KIAA1217: variants seen among roughly 807,000 people sequenced by gnomAD.
KIAA1217 encodes the protein KIAA1217, also known as sickle tail protein homolog.
Under a neutral mutation model 163.9 loss-of-function variants are expected in KIAA1217, and 88 were observed. The ratio of observed to expected loss-of-function variants is 0.54; its 90% confidence interval spans 0.45 to 0.64. The LOEUF (loss-of-function observed/expected upper bound fraction) is 0.64, where lower values mean the gene tolerates loss of function less well. Among genes scored for constraint, KIAA1217 ranks in the 30% least tolerant of loss-of-function variants. The probability of loss-of-function intolerance (pLI) is 0.00; values close to 1 mark genes in which losing one functional copy is unlikely to be tolerated. For synonymous variants in KIAA1217, 903 were observed against 923.1 expected, an observed-to-expected ratio of 0.98 and a Z score of 0.39; for missense variants, 2,372 against 2,475.0, an observed-to-expected ratio of 0.96 and a Z score of 0.88.
chr10:24,433,968 G>A (rs1378972572), intron 4 of KIAA1217, among the ~76,000 whole-genome samples: 7 of 148,332 alleles, frequency 4.7e-5, no homozygotes, highest in African/African-American at 1.5e-4. Flanking sequence ...TGCTATTGAT[G>A]GGATTGAGAG....
intron 2 of KIAA1217, among the ~76,000 whole-genome samples, chr10:24,087,385 C>T (rs1306024873): frequency 6.6e-6 from 1 of 152,128 alleles, no homozygotes; most frequent in Non-Finnish European, 1.5e-5. Context: ...CTTCTGCAAC[C>T]ATATGTACGG....
chr10:23,770,318 C>T (rs1341054045), intron 1 of KIAA1217, among the ~76,000 whole-genome samples: 2 of 152,212 alleles, frequency 1.3e-5, no homozygotes, highest in Non-Finnish European at 2.9e-5. Context: ...GGTGGTTGCA[C>T]ATTGGATGAA....
intron 2 of KIAA1217, among the ~76,000 whole-genome samples, chr10:24,109,069 T>C (rs557048545): frequency 4.6e-5 from 7 of 152,268 alleles, no homozygotes; most frequent in East Asian, 3.9e-4. Flanking sequence ...TGACCTCAAG[T>C]GATCCAACGC....
chr10:23,789,954 T>C (rs1230213283), intron 1 of KIAA1217, among the ~76,000 whole-genome samples: 2 of 135,240 alleles, frequency 1.5e-5, no homozygotes, highest in African/African-American at 5.9e-5. Flanking sequence ...TATACATGTA[T>C]ATATACACAT....
At chr10:24,394,816 A>G (rs1339178586) in intron 3 of KIAA1217, among the ~76,000 whole-genome samples, 1 of 152,086 alleles carries the variant, frequency 6.6e-6, no homozygotes, top group Non-Finnish European at 1.5e-5. Context: ...ACTGGGTAAA[A>G]TATTAATAGC....
chr10:24,059,062 T>C (rs1030999967), intron 2 of KIAA1217, among the ~76,000 whole-genome samples: 6 of 152,340 alleles, frequency 3.9e-5, no homozygotes, highest in African/African-American at 1.4e-4. Context: ...TTCCTCTATT[T>C]CTAGTTTGCT....
intron 13 of KIAA1217, 53 bp from the exon 14 acceptor site, chr10:24,527,883 T>C (rs2072448247): frequency 1.4e-6 from 2 of 1,438,954 alleles, no homozygotes; most frequent in South Asian, 1.2e-5. Flanking sequence ...CCAGTGTCCG[T>C]TGTTCTCCTC....
Position 24,520,127 on chromosome 10 carries a change from T to C in KIAA1217, c.2182T>C (p.Leu728=), listed in dbSNP as rs1441867726. The change falls in exon 11 of 21, where the codon TTG becomes CTG. Residue 728 remains leucine, a synonymous_variant. Transcript: ENST00000376454. The part of the protein sequence containing the change: ...EEKIVKKLCE[L]EDFVEDLKKD... ...CTGGTGTCCTTGCTCCCGCAGCGAG[T>C]TGGAAGACTTTGTTGAAGACTTGAA... The C allele has an allele frequency of 3.1e-6, 5 of 1,613,572 alleles. No individual in the cohort carries two copies. In the South Asian group the frequency reaches 3.3e-5, roughly 11 times the overall value.
At chr10:23,713,907 T>C (rs1257058852) in intron 1 of KIAA1217, among the ~76,000 whole-genome samples, 1 of 152,146 alleles carries the variant, frequency 6.6e-6, no homozygotes, top group African/African-American at 2.4e-5. Context: ...GCTCAGAACT[T>C]TCTTCTGAAT....
At chr10:23,782,454 C>T (rs1835300573) in intron 1 of KIAA1217, among the ~76,000 whole-genome samples, 1 of 152,132 alleles carries the variant, frequency 6.6e-6, no homozygotes, top group Non-Finnish European at 1.5e-5. Context: ...TATTTAGAGA[C>T]AGAGTCTAGT....
chr10:24,301,473 T>G (rs1465694687), intron 2 of KIAA1217, among the ~76,000 whole-genome samples: 1 of 152,152 alleles, frequency 6.6e-6, no homozygotes, highest in Non-Finnish European at 1.5e-5. Context: ...AGCCTTCATG[T>G]CACCACAGTG....
At chr10:24,253,305 G>A (rs1365441221) in intron 2 of KIAA1217, among the ~76,000 whole-genome samples, 2 of 152,162 alleles carry the variant, frequency 1.3e-5, no homozygotes, top group African/African-American at 4.8e-5. Context: ...ATGGGGTAGT[G>A]GGGACTCCTC....
At chr10:23,762,876 T>C (rs1298789002) in intron 1 of KIAA1217, among the ~76,000 whole-genome samples, 3 of 152,202 alleles carry the variant, frequency 2.0e-5, no homozygotes, top group Admixed American at 2.0e-4. Context: ...CCCCATCATC[T>C]CAGCCCAAAA....
At chr10:24,046,033 C>T (rs955111630) in intron 2 of KIAA1217, among the ~76,000 whole-genome samples, 5 of 152,100 alleles carry the variant, frequency 3.3e-5, no homozygotes, top group African/African-American at 1.2e-4. Flanking sequence ...TAGAATGTGG[C>T]ATTTCTTCCT....
chr10:23,741,829 T>C (rs1482795584), intron 1 of KIAA1217, among the ~76,000 whole-genome samples: 1 of 152,144 alleles, frequency 6.6e-6, no homozygotes, highest in East Asian at 1.9e-4. Context: ...AGCTCTGTTG[T>C]GGATAGGTAG....
At chr10:24,289,796 G>A (rs1417217850) in intron 2 of KIAA1217, among the ~76,000 whole-genome samples, 1 of 152,090 alleles carries the variant, frequency 6.6e-6, no homozygotes, top group Non-Finnish European at 1.5e-5. Context: ...GGGACCCCCT[G>A]GGATTGAGAT....
At chr10:23,860,654 A>G (rs1839908062) in intron 1 of KIAA1217, among the ~76,000 whole-genome samples, 1 of 152,188 alleles carries the variant, frequency 6.6e-6, no homozygotes. Flanking sequence ...CATTAATAAT[A>G]AAGGAATTGT....
At chr10:23,870,536 C>T (rs577327245) in intron 1 of KIAA1217, among the ~76,000 whole-genome samples, 182 of 152,136 alleles carry the variant, frequency 1.2e-3, no homozygotes, top group African/African-American at 4.3e-3. Context: ...CAGCCAGGGT[C>T]GTGGGGACTT....
chr10:23,854,374 A>G (rs1839529825), intron 1 of KIAA1217, among the ~76,000 whole-genome samples: 2 of 152,142 alleles, frequency 1.3e-5, no homozygotes, highest in South Asian at 4.1e-4. Context: ...CTGTGGTCTG[A>G]GAGACAGTTT....
Sources: allele counts gnomAD v4.1 joint callset (sites outside exome capture counted in the v4.1 genomes callset), GRCh38; gene constraint gnomAD v4.1.1; transcripts MANE v1.5; gene names NCBI Gene and HGNC (gene_info 2026-07-23, HGNC 2026-07-21).